The following CTNNA3 variants were observed in gnomAD, a reference collection of about 807,000 sequenced individuals.
CTNNA3 encodes catenin alpha-3.
In CTNNA3, 76 loss-of-function variants were observed where a neutral mutation model predicts 95.7. The ratio of observed to expected loss-of-function variants is 0.79; its 90% confidence interval spans 0.66 to 0.96. The LOEUF (loss-of-function observed/expected upper bound fraction) is 0.96, where lower values mean the gene tolerates loss of function less well. CTNNA3 is among the 40% of genes least tolerant of loss of function. The probability of loss-of-function intolerance (pLI) is 0.00; values close to 1 mark genes in which losing one functional copy is unlikely to be tolerated. For missense variants in CTNNA3, 1,191 were observed against 1,089.8 expected (o/e 1.09, Z -1.31); for synonymous variants, 431 against 374.4 (o/e 1.15, Z -1.74).
At chr10:66,780,337 T>G (rs1286702879) in intron 7 of CTNNA3, among the ~76,000 whole-genome samples, 6 of 151,770 alleles carry the variant, frequency 4.0e-5, no homozygotes, top group African/African-American at 1.5e-4. Context: ...CACAGAGAGA[T>G]GAACAGTGTT....
chr10:66,055,921 C>CAA (rs386371652), intron 15 of CTNNA3, among the ~76,000 whole-genome samples: 12,071 of 59,748 alleles, frequency 0.2, 1,318 homozygotes, highest in East Asian at 0.38. Flanking sequence ...GACTCCATCT[C>CAA]AAAAAAAAAA....
intron 9 of CTNNA3, among the ~76,000 whole-genome samples, chr10:66,640,595 C>G (rs1845483240): frequency 6.6e-6 from 1 of 152,146 alleles, no homozygotes; most frequent in African/African-American, 2.4e-5. Flanking sequence ...ATAGAACTAT[C>G]CGTATCAAAG....
At chr10:66,358,376 A>T (rs562949840) in intron 12 of CTNNA3, among the ~76,000 whole-genome samples, 1 of 152,134 alleles carries the variant, frequency 6.6e-6, no homozygotes, top group South Asian at 2.1e-4. Flanking sequence ...TCCAGGGAAC[A>T]TATTATTGTA....
chr10:66,428,547 A>C (rs2093264867), intron 11 of CTNNA3, among the ~76,000 whole-genome samples: 1 of 152,182 alleles, frequency 6.6e-6, no homozygotes, highest in Non-Finnish European at 1.5e-5. Flanking sequence ...AATTATAACA[A>C]ACTGTCTCTC....
At chr10:66,634,572 G>GGTGTGT (rs59187647) in intron 9 of CTNNA3, among the ~76,000 whole-genome samples, 9,719 of 146,100 alleles carry the variant, frequency 0.067, 358 homozygotes, top group African/African-American at 0.084. Flanking sequence ...CTCTGTGCAT[G>GGTGTGT]GTGTGTGTGT....
At chr10:66,337,125 T>C (rs2092405956) in intron 12 of CTNNA3, among the ~76,000 whole-genome samples, 1 of 152,174 alleles carries the variant, frequency 6.6e-6, no homozygotes, top group African/African-American at 2.4e-5. Context: ...ATATTGTTTA[T>C]GTTAACTTCT....
At chr10:67,433,452 A>T (rs1846185589) in intron 5 of CTNNA3, among the ~76,000 whole-genome samples, 1 of 152,098 alleles carries the variant, frequency 6.6e-6, no homozygotes, top group East Asian at 1.9e-4. Context: ...ACAGACAGGA[A>T]GTGACCACAC....
chr10:66,504,758 A>G (rs187377132), intron 11 of CTNNA3, among the ~76,000 whole-genome samples: 37 of 152,328 alleles, frequency 2.4e-4, no homozygotes, highest in Non-Finnish European at 3.2e-4. Flanking sequence ...TAAAATTGTG[A>G]GACTTCCTTT....
At chr10:66,347,849 T>G (rs1008431922) in intron 12 of CTNNA3, among the ~76,000 whole-genome samples, 1 of 152,190 alleles carries the variant, frequency 6.6e-6, no homozygotes. Flanking sequence ...CTACCCATCA[T>G]GTATACTGTC....
At chr10:66,876,848 T>C (rs753246838) in intron 7 of CTNNA3, among the ~76,000 whole-genome samples, 13 of 152,132 alleles carry the variant, frequency 8.5e-5, no homozygotes, top group Non-Finnish European at 1.8e-4. Flanking sequence ...AAAGGTAACT[T>C]ATAAACAGTT....
intron 15 of CTNNA3, among the ~76,000 whole-genome samples, chr10:66,065,105 A>C (rs914640818): frequency 6.6e-6 from 1 of 152,196 alleles, no homozygotes; most frequent in East Asian, 1.9e-4. Flanking sequence ...AATGAAACTG[A>C]TGTACAGACT....
At chr10:66,891,858 A>G (rs532811827) in intron 7 of CTNNA3, among the ~76,000 whole-genome samples, 1 of 152,170 alleles carries the variant, frequency 6.6e-6, no homozygotes, top group Non-Finnish European at 1.5e-5. Flanking sequence ...CTTAATGCCT[A>G]TTTTCTGAAA....
chr10:67,073,380 T>C (rs1264749885), intron 7 of CTNNA3, among the ~76,000 whole-genome samples: 1 of 152,226 alleles, frequency 6.6e-6, no homozygotes, highest in Non-Finnish European at 1.5e-5. Flanking sequence ...TTTTTTCATC[T>C]ATTTAAGATT....
chr10:66,085,888 A>G (rs1377675466), intron 14 of CTNNA3, among the ~76,000 whole-genome samples: 1 of 96,954 alleles, frequency 1.0e-5, no homozygotes, highest in Non-Finnish European at 2.3e-5. Flanking sequence ...TGGCACAATC[A>G]CTGCCTAAGA....
chr10:67,704,648 A>T (rs1841066391), intron 1 of CTNNA3, among the ~76,000 whole-genome samples: 2 of 152,198 alleles, frequency 1.3e-5, no homozygotes, highest in African/African-American at 4.8e-5. Context: ...AAAGACTTAC[A>T]TGTTAGACCT....
intron 10 of CTNNA3, among the ~76,000 whole-genome samples, chr10:66,541,051 A>G (rs1457124216): frequency 5.9e-5 from 9 of 152,080 alleles, no homozygotes; most frequent in Admixed American, 1.3e-4. Flanking sequence ...TTTTCTCTCA[A>G]AAAGAAAAAA....
intron 5 of CTNNA3, among the ~76,000 whole-genome samples, chr10:67,274,507 T>A (rs1449574475): frequency 6.6e-6 from 1 of 152,134 alleles, no homozygotes; most frequent in Non-Finnish European, 1.5e-5. Flanking sequence ...CATGAGAGAT[T>A]ATACCACATC....
rs1185496231 is a variant in CTNNA3 at position 66,969,514 on chromosome 10, G to T, written c.1048-193990C>A. 5.3e-5 allele frequency among the ~76,000 whole-genome samples: 8 copies of T among 151,984 alleles called. No individual in the cohort carries two copies. In the East Asian group the frequency reaches 1.4e-3, roughly 26 times the overall value. On this transcript the variant is annotated intron_variant, in intron 7 of 17. Transcript: ENST00000433211. ...ATTGTATCTTGGATTATTTCCTCGG[G>T]ATACATTTTTATATGCCAAATTGCT...
At chr10:66,010,781 G>A (rs1375422661) in intron 15 of CTNNA3, among the ~76,000 whole-genome samples, 1 of 151,934 alleles carries the variant, frequency 6.6e-6, no homozygotes. Flanking sequence ...GGTGAAAACT[G>A]CAGAGGTTTC....
Sources: gnomAD v4.1 joint callset for allele counts (sites outside exome capture counted in the v4.1 genomes callset) on GRCh38, gnomAD v4.1.1 for gene constraint, MANE v1.5 for transcripts, NCBI Gene and HGNC (gene_info 2026-07-23, HGNC 2026-07-21) for gene names.